The following CCDC158 variants were observed in gnomAD, a reference collection of about 807,000 sequenced individuals.
The protein encoded by CCDC158 is coiled-coil domain containing 158.
Under a neutral mutation model 138.6 loss-of-function variants are expected in CCDC158, and 116 were observed. The observed-to-expected ratio is 0.84, with a 90% confidence interval of 0.72 to 0.98. CCDC158 has a LOEUF of 0.98. Ranked by LOEUF, CCDC158 falls within the 50% of genes least tolerant of loss-of-function variation. The pLI is 0.00. For missense variants in CCDC158, 1,265 were observed against 1,306.1 expected, an observed-to-expected ratio of 0.97 and a Z score of 0.48; for synonymous variants, 436 against 442.4, an observed-to-expected ratio of 0.99 and a Z score of 0.18.
At chr4:76,367,825 A>G (rs375812705) in intron 11 of CCDC158, 49 bp from the exon 12 acceptor site, 98 of 1,524,910 alleles carry the variant, frequency 6.4e-5, no homozygotes, top group Non-Finnish European at 7.3e-5. Context: ...GGATAGGTAT[A>G]GGCAACCTCA....
intron 24 of CCDC158, among the ~76,000 whole-genome samples, chr4:76,318,441 A>G (rs966289286): frequency 3.3e-5 from 5 of 152,102 alleles, no homozygotes; most frequent in African/African-American, 1.2e-4. Flanking sequence ...GAGATATACA[A>G]CCCTCCTGAT....
intron 24 of CCDC158, among the ~76,000 whole-genome samples, chr4:76,316,917 A>AAT: frequency 6.6e-6 from 1 of 151,314 alleles, no homozygotes; most frequent in East Asian, 1.9e-4. Context: ...AAAAAAAAAA[A>AAT]AAAAAATGCT....
chr4:76,336,713 C>T (rs1053520569), intron 18 of CCDC158, among the ~76,000 whole-genome samples: 10 of 152,124 alleles, frequency 6.6e-5, no homozygotes, highest in Admixed American at 2.6e-4. Context: ...TTATTTTATC[C>T]TACACTCATA....
chr4:76,402,582 T>C (rs1362092689), intron 3 of CCDC158, among the ~76,000 whole-genome samples: 1 of 152,140 alleles, frequency 6.6e-6, no homozygotes, highest in Non-Finnish European at 1.5e-5. Context: ...TTTCAACACC[T>C]ATGTAACCAT....
intron 9 of CCDC158, among the ~76,000 whole-genome samples, chr4:76,376,275 G>A (rs1037527726): frequency 6.6e-6 from 1 of 150,696 alleles, no homozygotes; most frequent in Non-Finnish European, 1.5e-5. Flanking sequence ...TGTTGCCCAG[G>A]CTTGTCTCAA....
At chr4:76,331,288 T>G in intron 21 of CCDC158, 56 bp downstream of exon 21, 1 of 1,447,208 alleles carries the variant, frequency 6.9e-7, no homozygotes, top group Non-Finnish European at 9.7e-7. Context: ...TCTTTTGAAT[T>G]AATAATGAAC....
chr4:76,394,912 G>C (rs888078977), intron 4 of CCDC158, among the ~76,000 whole-genome samples: 1 of 152,104 alleles, frequency 6.6e-6, no homozygotes, highest in African/African-American at 2.4e-5. Flanking sequence ...AAGGTCAGAA[G>C]ACACTTGGAG....
chr4:76,352,202 A>C (rs1452335456), intron 16 of CCDC158: 1 of 158,928 alleles, frequency 6.3e-6, no homozygotes, highest in Non-Finnish European at 1.4e-5. Context: ...CAAGAGATGG[A>C]GACCATCCAT....
intron 1 of CCDC158, among the ~76,000 whole-genome samples, chr4:76,413,310 CAAAA>C (rs1368472056): frequency 6.6e-6 from 1 of 151,418 alleles, no homozygotes; most frequent in Admixed American, 6.6e-5. Flanking sequence ...CCCGTCTCTA[CAAAA>C]AATTTTAAAA....
At chr4:76,314,513 T>G (rs1272223905) in intron 24 of CCDC158, among the ~76,000 whole-genome samples, 1 of 152,102 alleles carries the variant, frequency 6.6e-6, no homozygotes, top group African/African-American at 2.4e-5. Flanking sequence ...TTGAAAAAAG[T>G]GGCATGCCAC....
chr4:76,368,187 T>C (rs1724880980), intron 11 of CCDC158, among the ~76,000 whole-genome samples: 1 of 152,092 alleles, frequency 6.6e-6, no homozygotes, highest in South Asian at 2.1e-4. Context: ...TCTTGGGAAG[T>C]TTCCTCTGTG....
At chr4:76,393,731 T>C (rs1727516720) in intron 4 of CCDC158, among the ~76,000 whole-genome samples, 1 of 151,854 alleles carries the variant, frequency 6.6e-6, no homozygotes, top group African/African-American at 2.4e-5. Flanking sequence ...AACTACTCAT[T>C]TGACAAGGGA....
intron 2 of CCDC158, among the ~76,000 whole-genome samples, chr4:76,405,370 G>A (rs562064926): frequency 7.9e-5 from 12 of 152,140 alleles, no homozygotes; most frequent in Non-Finnish European, 1.6e-4. Context: ...CCTCTGCTGA[G>A]GATTCTACTA....
chr4:76,336,090 G>A (rs1357889271), intron 18 of CCDC158, among the ~76,000 whole-genome samples: 1 of 143,114 alleles, frequency 7.0e-6, no homozygotes. Context: ...GCTGAGGCAG[G>A]AGAATGGCAT....
At chr4:76,341,998 C>T (rs990245119) in intron 18 of CCDC158, among the ~76,000 whole-genome samples, 11 of 152,060 alleles carry the variant, frequency 7.2e-5, no homozygotes, top group Admixed American at 6.6e-4. Context: ...AGAAACAGTA[C>T]AGTATAATAA....
chr4:76,324,624 A>G (rs1720355730), intron 23 of CCDC158, among the ~76,000 whole-genome samples: 1 of 152,158 alleles, frequency 6.6e-6, no homozygotes. Flanking sequence ...GCATTGCTCT[A>G]TTCCTGCAAT....
intron 11 of CCDC158, 144 bp downstream of exon 11, chr4:76,369,282 A>T (rs958319217): frequency 9.1e-6 from 5 of 546,922 alleles, no homozygotes; most frequent in East Asian, 3.3e-5. Context: ...GGTTTTCATA[A>T]ATTGCTCACA....
At chr4:76,411,096 A>G (rs1729260448) in intron 2 of CCDC158, among the ~76,000 whole-genome samples, 1 of 152,214 alleles carries the variant, frequency 6.6e-6, no homozygotes, top group South Asian at 2.1e-4. Context: ...TTGGACAGCA[A>G]TAACATGAAT....
At chr4:76,362,649 C>T (rs772543260) in intron 12 of CCDC158, among the ~76,000 whole-genome samples, 3 of 152,170 alleles carry the variant, frequency 2.0e-5, no homozygotes, top group African/African-American at 4.8e-5. Flanking sequence ...TAAGAACCTT[C>T]TTTGTGGCAG....
Sources: allele counts gnomAD v4.1 joint callset (sites outside exome capture counted in the v4.1 genomes callset), GRCh38; gene constraint gnomAD v4.1.1; transcripts MANE v1.5; gene names NCBI Gene and HGNC (gene_info 2026-07-23, HGNC 2026-07-21).